Variants in DYNC1LI1 observed in about 807,000 individuals in gnomAD.
DYNC1LI1 encodes dynein cytoplasmic 1 light intermediate chain 1.
A neutral mutation model predicts 63.8 loss-of-function variants in DYNC1LI1; 19 were observed. That is an observed-to-expected ratio of 0.30 (90% CI 0.21 to 0.44). DYNC1LI1 has a LOEUF of 0.44. Among genes scored for constraint, DYNC1LI1 ranks in the 20% least tolerant of loss-of-function variants. DYNC1LI1 has a pLI of 1.00. For missense variants in DYNC1LI1, 565 were observed against 630.2 expected (o/e 0.90, Z 1.11); for synonymous variants, 225 against 232.3 (o/e 0.97, Z 0.28).
At position 32,537,950 on chromosome 3, in the gene DYNC1LI1, T is replaced by A. The variant is rs1460055726; in HGVS notation, c.739-846A>T. 1.5e-3 allele frequency among the ~76,000 whole-genome samples: 9 copies of A among 5,826 alleles called. 1 individual carries two copies. In the East Asian group the frequency reaches 0.078, roughly 51 times the overall value. 3.8% of individuals were successfully genotyped at this position (5,826 alleles called of 152,430 possible). ...TAATATATATATAATATATATATAA[T>A]TTATATATATAATATATATATATTT... On this transcript the variant is annotated intron_variant, in intron 5 of 12. Transcript: ENST00000273130.
intron 5 of DYNC1LI1, among the ~76,000 whole-genome samples, chr3:32,537,992 TA>T (rs1444619655): frequency 1.6e-5 from 1 of 62,634 alleles, no homozygotes; most frequent in African/African-American, 7.5e-5. Context: ...AATATATATA[TA>T]TAATTTATAT....
At chr3:32,566,350 G>A (rs1698259447) in intron 2 of DYNC1LI1, among the ~76,000 whole-genome samples, 1 of 152,174 alleles carries the variant, frequency 6.6e-6, no homozygotes, top group South Asian at 2.1e-4. Context: ...ACTAGTACCT[G>A]TAAGTGCTCT....
intron 5 of DYNC1LI1, among the ~76,000 whole-genome samples, chr3:32,538,009 A>ATT (rs1491536232): frequency 4.6e-5 from 1 of 21,796 alleles, no homozygotes; most frequent in East Asian, 1.6e-3. Flanking sequence ...TATATATATA[A>ATT]TATATATATA....
chr3:32,548,770 G>T (rs915476909), intron 2 of DYNC1LI1, among the ~76,000 whole-genome samples: 1 of 152,160 alleles, frequency 6.6e-6, no homozygotes, highest in African/African-American at 2.4e-5. Flanking sequence ...TGACAACTAT[G>T]TGAGGTAATA....
chr3:32,529,516 G>A (rs768135842), intron 11 of DYNC1LI1, 24 bp downstream of exon 11: 1 of 1,586,432 alleles, frequency 6.3e-7, no homozygotes, highest in Non-Finnish European at 8.6e-7. Context: ...GTATTGTCTT[G>A]TTATCTCCTA....
chr3:32,559,369 T>C (rs1209277776), intron 2 of DYNC1LI1, among the ~76,000 whole-genome samples: 3 of 152,098 alleles, frequency 2.0e-5, no homozygotes, highest in African/African-American at 7.2e-5. Flanking sequence ...GCCTCCTGAG[T>C]AGCTGACACT....
At chr3:32,558,634 T>C (rs1575158796) in intron 2 of DYNC1LI1, among the ~76,000 whole-genome samples, 1 of 151,946 alleles carries the variant, frequency 6.6e-6, no homozygotes, top group Non-Finnish European at 1.5e-5. Flanking sequence ...TCATCTGAGG[T>C]TGGGAGTTCG....
At chr3:32,542,167 G>A (rs1430232036) in intron 4 of DYNC1LI1, among the ~76,000 whole-genome samples, 1 of 152,210 alleles carries the variant, frequency 6.6e-6, no homozygotes, top group Non-Finnish European at 1.5e-5. Context: ...CCATGCTGGA[G>A]TGCAGCGGTG....
intron 2 of DYNC1LI1, among the ~76,000 whole-genome samples, chr3:32,560,689 T>C (rs1024644029): frequency 2.6e-5 from 4 of 151,618 alleles, no homozygotes; most frequent in African/African-American, 9.7e-5. Context: ...TCCCACGGGC[T>C]GTCTAGATAT....
intron 2 of DYNC1LI1, 92 bp downstream of exon 2, chr3:32,570,254 C>A (rs1466444602): frequency 4.7e-6 from 5 of 1,068,596 alleles, no homozygotes; most frequent in Admixed American, 4.1e-5. Context: ...GGCCGGCTGT[C>A]CGCACAAAGA....
intron 2 of DYNC1LI1, among the ~76,000 whole-genome samples, chr3:32,566,081 G>C (rs929369315): frequency 1.3e-5 from 2 of 152,124 alleles, no homozygotes; most frequent in African/African-American, 4.8e-5. Context: ...AGACCAGCTT[G>C]GGCAACACGG....
At chr3:32,567,126 T>G (rs1392863951) in intron 2 of DYNC1LI1, among the ~76,000 whole-genome samples, 1 of 152,244 alleles carries the variant, frequency 6.6e-6, no homozygotes, top group Non-Finnish European at 1.5e-5. Context: ...AAGAGTTTTG[T>G]ACCTGGCACT....
At chr3:32,551,998 C>G (rs960237632) in intron 2 of DYNC1LI1, among the ~76,000 whole-genome samples, 2 of 152,194 alleles carry the variant, frequency 1.3e-5, no homozygotes, top group African/African-American at 4.8e-5. Context: ...ACTTACTAGT[C>G]ATTACTACTG....
chr3:32,560,464 C>T (rs1025100245), intron 2 of DYNC1LI1, among the ~76,000 whole-genome samples: 1 of 151,992 alleles, frequency 6.6e-6, no homozygotes, highest in Non-Finnish European at 1.5e-5. Flanking sequence ...AATTCCAGCT[C>T]AGTTGTGTAA....
chr3:32,528,814 A>G (rs534321769), intron 11 of DYNC1LI1, among the ~76,000 whole-genome samples: 62 of 152,308 alleles, frequency 4.1e-4, no homozygotes, highest in African/African-American at 1.4e-3. Context: ...TTAGAATGTT[A>G]TTTTTAAAAG....
intron 2 of DYNC1LI1, among the ~76,000 whole-genome samples, chr3:32,550,188 T>C (rs991532716): frequency 6.6e-6 from 1 of 152,172 alleles, no homozygotes; most frequent in African/African-American, 2.4e-5. Context: ...TCACAGCACT[T>C]TGGGAGGCCA....
In DYNC1LI1 at chr3:32,570,619, C is replaced by T. The variant is rs1698335845; in HGVS notation, c.146+6G>A. 2 of 1,566,650 alleles carry T rather than the reference C, an allele frequency of 1.3e-6. No homozygotes were observed. The highest frequency in any genetic ancestry group is 1.4e-5 in the African/African-American group (1 of 73,412). On this transcript the variant is annotated splice_donor_region_variant and intron_variant, in intron 1 of 12. Transcript: ENST00000273130. ...GCGGGGGCTGAGGGAGAGGTGGAGTCGTTACCAAAGGTTCTGCCCGTCCTC... is the reference window on the plus strand; with the variant it reads ...GCGGGGGCTGAGGGAGAGGTGGAGTTGTTACCAAAGGTTCTGCCCGTCCTC...
rs1697653172 is a variant in DYNC1LI1 at position 32,528,537 on chromosome 3, G to A, written c.1371C>T (p.Gly457=). 2 of 1,613,998 alleles carry A rather than the reference G, an allele frequency of 1.2e-6. No individual in the cohort carries two copies. Among genetic ancestry groups the A allele is most frequent in the Non-Finnish European group, 1.7e-6 (2 of 1,179,916 alleles). The stretch of plus-strand genomic sequence containing the variant: ...CACTCACACCAGGGCCTCCTGGAGA[G>A]CCAGTCTTTTTACTCAACAAACTGT... ...FFNSLLSKKT[G]SPGGPGVSGG... Residue 457 remains glycine (G), a synonymous_variant, in exon 12 of 13, where the codon GGC becomes GGT. Transcript: ENST00000273130.
At chr3:32,540,733 T>C (rs1033376541) in intron 5 of DYNC1LI1, among the ~76,000 whole-genome samples, 36 of 148,070 alleles carry the variant, frequency 2.4e-4, no homozygotes, top group African/African-American at 8.7e-4. Flanking sequence ...TAAAAACCAA[T>C]AAACTATCAT....
Sources: gnomAD v4.1 joint callset for allele counts (sites outside exome capture counted in the v4.1 genomes callset) on GRCh38, gnomAD v4.1.1 for gene constraint, MANE v1.5 for transcripts, NCBI Gene and HGNC (gene_info 2026-07-23, HGNC 2026-07-21) for gene names.